The following WIPI1 variants were observed in gnomAD, a reference collection of about 807,000 sequenced individuals.
WIPI1 encodes the protein WD repeat domain, phosphoinositide interacting 1.
Under a neutral mutation model 55.3 loss-of-function variants are expected in WIPI1, and 45 were observed. That is an observed-to-expected ratio of 0.81 (90% CI 0.64 to 1.04). WIPI1 has a LOEUF of 1.04. WIPI1 is among the 50% of genes least tolerant of loss of function. WIPI1 has a pLI of 0.00. For missense variants in WIPI1, 445 were observed against 559.0 expected (o/e 0.80, Z 2.06); for synonymous variants, 195 against 217.6 (o/e 0.90, Z 0.92).
At position 68,457,365 on chromosome 17, in the gene WIPI1, G is replaced by A. The variant is rs770440119; in HGVS notation, c.57C>T (p.Cys19=). 1 of 1,542,426 alleles carries A rather than the reference G, an allele frequency of 6.5e-7. No homozygotes were observed. The change falls in exon 1 of 13, where the codon TGC becomes TGT. Residue 19 remains cysteine (C), a synonymous_variant. Coordinates refer to ENST00000262139, the MANE Select transcript of WIPI1 (RefSeq NM_017983.7). ...PPGGVESALS[C]FSFNQDCTSL... ...ACGTGCAGTCCTGGTTGAAAGAGAA[G>A]CAGCTGAGCGCCGACTCAACCCCGC...
chr17:68,424,614 G>A (rs1467475004), intron 12 of WIPI1: 11 of 452,874 alleles, frequency 2.4e-5, no homozygotes, highest in Non-Finnish European at 4.5e-5. Context: ...GGCGGTTCAC[G>A]CCTGTAATCC....
chr17:68,456,158 G>T (rs1028603698), intron 1 of WIPI1, among the ~76,000 whole-genome samples: 13 of 152,214 alleles, frequency 8.5e-5, no homozygotes, highest in African/African-American at 1.4e-4. Context: ...TTGTGGTCAA[G>T]AAAAACTTGA....
At chr17:68,447,654 G>C (rs567301980) in intron 3 of WIPI1, among the ~76,000 whole-genome samples, 2 of 152,154 alleles carry the variant, frequency 1.3e-5, no homozygotes, top group Non-Finnish European at 2.9e-5. Flanking sequence ...GCCTCCTGAA[G>C]TGCTGGGACC....
chr17:68,430,237 G>A (rs530367009), intron 8 of WIPI1, 77 bp from the exon 9 acceptor site: 41 of 1,449,056 alleles, frequency 2.8e-5, no homozygotes, highest in Admixed American at 2.4e-4. Context: ...ACACCCAAGC[G>A]TCATTAGCCA....
intron 11 of WIPI1, among the ~76,000 whole-genome samples, chr17:68,426,566 T>C (rs1226234708): frequency 6.6e-6 from 1 of 152,204 alleles, no homozygotes. Context: ...AGAGTCTCAC[T>C]CTTTCACCCA....
At chr17:68,441,725 CA>C (rs1396058132) in intron 4 of WIPI1, among the ~76,000 whole-genome samples, 1 of 152,198 alleles carries the variant, frequency 6.6e-6, no homozygotes, top group Non-Finnish European at 1.5e-5. Flanking sequence ...GCCACAACCT[CA>C]GGTAACGCTC....
intron 4 of WIPI1, among the ~76,000 whole-genome samples, chr17:68,439,358 G>A (rs1381717168): frequency 1.3e-5 from 2 of 152,190 alleles, no homozygotes; most frequent in African/African-American, 2.4e-5. Flanking sequence ...ATTAGGCTAT[G>A]TGAAAGAAGT....
chr17:68,441,634 G>C (rs1440304146), intron 4 of WIPI1, among the ~76,000 whole-genome samples: 1 of 152,190 alleles, frequency 6.6e-6, no homozygotes, highest in Non-Finnish European at 1.5e-5. Context: ...CCTGTGCAAG[G>C]CTGTCCTATG....
At chr17:68,441,709 AC>A (rs1343243845) in intron 4 of WIPI1, among the ~76,000 whole-genome samples, 1 of 152,120 alleles carries the variant, frequency 6.6e-6, no homozygotes, top group Non-Finnish European at 1.5e-5. Context: ...ACCTTTGCCC[AC>A]CCAGGCCACA....
chr17:68,444,700 C>G (rs2084211904), intron 3 of WIPI1, 111 bp from the exon 4 acceptor site: 1 of 829,252 alleles, frequency 1.2e-6, no homozygotes, highest in Non-Finnish European at 1.8e-6. Flanking sequence ...AAGCCTAAAG[C>G]AGAATTTTGA....
At chr17:68,434,707 A>T (rs1204371385) in intron 6 of WIPI1, 81 bp from the exon 7 acceptor site, 1 of 1,452,792 alleles carries the variant, frequency 6.9e-7, no homozygotes, top group Non-Finnish European at 9.5e-7. Flanking sequence ...AGTTTGTTTT[A>T]TTGGTTTTGA....
chr17:68,429,024 T>C, intron 9 of WIPI1, 88 bp from the exon 10 acceptor site: 1 of 979,568 alleles, frequency 1.0e-6, no homozygotes. Flanking sequence ...TCACCCTAGC[T>C]GTCACCAGAT....
intron 11 of WIPI1, 36 bp from the exon 12 acceptor site, chr17:68,426,211 G>T: frequency 1.5e-6 from 2 of 1,361,230 alleles, no homozygotes; most frequent in Non-Finnish European, 2.1e-6. Context: ...ACAAGCACTG[G>T]GGATCTGCTT....
At chr17:68,444,448 A>G (rs2084203256) in intron 4 of WIPI1, 45 bp downstream of exon 4, 3 of 1,551,246 alleles carry the variant, frequency 1.9e-6, no homozygotes, top group Middle Eastern at 1.7e-4. Flanking sequence ...AAGAAGCACC[A>G]GGACATGAAA....
chr17:68,441,401 G>T (rs1159493851), intron 4 of WIPI1, among the ~76,000 whole-genome samples: 2 of 152,232 alleles, frequency 1.3e-5, no homozygotes, highest in Non-Finnish European at 2.9e-5. Flanking sequence ...TTTGTGTGCT[G>T]AAGACAATTA....
chr17:68,442,169 A>G (rs778814940), intron 4 of WIPI1, among the ~76,000 whole-genome samples: 3 of 152,232 alleles, frequency 2.0e-5, no homozygotes, highest in Non-Finnish European at 4.4e-5. Flanking sequence ...GCTAAAAAAT[A>G]AGAGTAAATG....
rs1241232989 is a variant in WIPI1, at chr17:68,423,860, C to A, written c.1294-2040G>T. Among the ~76,000 whole-genome samples the A allele has an allele frequency of 1.3e-5, 2 of 152,150 alleles. No individual in the cohort carries two copies. Among genetic ancestry groups the A allele is most frequent in the Admixed American group, 6.5e-5 (1 of 15,274 alleles). On this transcript the variant is annotated intron_variant, in intron 12 of 12. Transcript: ENST00000262139. This position sits in a 1 kb window ranked among gnomAD's most constrained non-coding sequence, Gnocchi z 4.4. Reference sequence around the variant, plus strand: ...CCAATTCTGTAACTATAAGAGGTTGCAAGGCTTACTGCGATTACAATTAAG... The same window carrying A: ...CCAATTCTGTAACTATAAGAGGTTGAAAGGCTTACTGCGATTACAATTAAG...
Position 68,421,581 on chromosome 17 carries a change from C to T in WIPI1, c.*192G>A, listed in dbSNP as rs535393204. ...CATGATGTGTATACAATGTCTCCCG[C>T]GCCCATTGGCAACCAGGGTCGTGGG... On this transcript the variant is annotated 3_prime_UTR_variant, in exon 13 of 13. Transcript: ENST00000262139. 1.1e-4 allele frequency: 76 copies of T among 671,054 alleles called. No individual in the cohort carries two copies. The highest frequency in any genetic ancestry group is 3.5e-4 in the East Asian group (13 of 37,026). 41.6% of individuals were successfully genotyped at this position (671,054 alleles called of 1,614,324 possible). A position where few individuals can be genotyped will look rare whatever the true frequency, so the allele number is the denominator to read the frequency against.
Position 68,429,043 on chromosome 17 carries a change from T to C in WIPI1, c.966-107A>G, listed in dbSNP as rs201371462. On this transcript the variant is annotated intron_variant, in intron 9 of 12. Transcript: ENST00000262139. ...CCTAGCTGTCACCAGATTCTGCCTT[T>C]GACAAACCCTTAGCCCACTGATCTG... The C allele has an allele frequency of 5.2e-5, 42 of 804,992 alleles. No homozygotes were observed. In the East Asian group the frequency reaches 1.1e-3, roughly 21 times the overall value. The allele number at this position is 804,992 out of a possible 1,614,324, so 49.9% of individuals were successfully genotyped here. A position where few individuals can be genotyped will look rare whatever the true frequency, so the allele number is the denominator to read the frequency against.
Sources: gnomAD v4.1 joint callset for allele counts (sites outside exome capture counted in the v4.1 genomes callset) on GRCh38, gnomAD v4.1.1 for gene constraint, Gnocchi (gnomAD v3.1) non-coding constraint, MANE v1.5 for transcripts, NCBI Gene and HGNC (gene_info 2026-07-23, HGNC 2026-07-21) for gene names.